Variants in EFEMP1 observed in about 807,000 individuals in gnomAD.
EFEMP1 encodes EGF-like fibulin extracellular matrix protein 1.
A neutral mutation model predicts 65.7 loss-of-function variants in EFEMP1; 18 were observed. That is an observed-to-expected ratio of 0.27 (90% CI 0.19 to 0.41). The LOEUF (loss-of-function observed/expected upper bound fraction) is 0.41, where lower values mean the gene tolerates loss of function less well. Among genes scored for constraint, EFEMP1 ranks in the 10% least tolerant of loss-of-function variants. The probability of loss-of-function intolerance (pLI) is 1.00; values close to 1 mark genes in which losing one functional copy is unlikely to be tolerated. For synonymous variants in EFEMP1, 237 were observed against 219.7 expected (o/e 1.08, Z -0.70); for missense variants, 469 against 624.8 (o/e 0.75, Z 2.66).
At position 55,899,729 on chromosome 2, in the gene EFEMP1, T is replaced by C. The variant is rs1271190926; in HGVS notation, c.517+17936A>G. ...ATGGTGACCACCTGGCCACACCATA[T>C]CCCTCTTCCCTTCTACCCAAGTAGT... On this transcript the variant is annotated intron_variant, in intron 5 of 11. Transcript: ENST00000355426. Among the ~76,000 whole-genome samples, 3 of 152,132 alleles carry C rather than the reference T, an allele frequency of 2.0e-5. No individual in the cohort carries two copies. In the East Asian group the frequency reaches 5.8e-4, roughly 29 times the overall value.
At chr2:55,889,529 C>G (rs538131997) in intron 5 of EFEMP1, among the ~76,000 whole-genome samples, 2 of 152,130 alleles carry the variant, frequency 1.3e-5, no homozygotes, top group South Asian at 4.2e-4. Context: ...TTTTTCTGTT[C>G]TCTTTTTGAT....
intron 5 of EFEMP1, among the ~76,000 whole-genome samples, chr2:55,911,431 G>A (rs971755042): frequency 4.0e-5 from 6 of 151,728 alleles, no homozygotes; most frequent in Non-Finnish European, 5.9e-5. Context: ...TTGAGTAGGC[G>A]TCCATATTAT....
At chr2:55,896,701 A>G (rs886330329) in intron 5 of EFEMP1, among the ~76,000 whole-genome samples, 1 of 152,254 alleles carries the variant, frequency 6.6e-6, no homozygotes, top group African/African-American at 2.4e-5. Context: ...GAACTCAGAA[A>G]TAAATTTTAA....
chr2:55,877,951 G>GA lies in EFEMP1; in HGVS notation c.641-87dup, dbSNP rs1669099540. 1.3e-5 allele frequency: 19 copies of GA among 1,509,778 alleles called. No individual in the cohort carries two copies. The highest frequency in any genetic ancestry group is 3.8e-5 in the Admixed American group (2 of 52,098). 93.5% of individuals were successfully genotyped at this position (1,509,778 alleles called of 1,614,324 possible). On this transcript the variant is annotated intron_variant, in intron 6 of 11. Transcript: ENST00000355426. This position sits in a 1 kb window ranked among gnomAD's most constrained non-coding sequence, Gnocchi z 4.5. Reference sequence around the variant, plus strand: ...GCATTATCTAGAAAACCTATGTAGAGAAAATCTCTTTTTAAAAGTAATAAT... The same window carrying GA: ...GCATTATCTAGAAAACCTATGTAGAGAAAAATCTCTTTTTAAAAGTAATAAT...
rs1336649293 is a variant in EFEMP1 at position 55,909,698 on chromosome 2, C to G, written c.517+7967G>C. ...TGAGAACACGTTTTCTTTTTCTGTC[C>G]AAATATGTATTTTAGTTAATTGTGG... On this transcript the variant is annotated intron_variant, in intron 5 of 11. Transcript: ENST00000355426. 2.0e-5 allele frequency among the ~76,000 whole-genome samples: 3 copies of G among 152,126 alleles called. No homozygotes were observed. In the South Asian group the frequency reaches 6.2e-4, roughly 32 times the overall value.
intron 5 of EFEMP1, among the ~76,000 whole-genome samples, chr2:55,896,201 C>T (rs1442446497): frequency 6.6e-6 from 1 of 152,188 alleles, no homozygotes; most frequent in Non-Finnish European, 1.5e-5. Context: ...TTTGACGCTT[C>T]CATAGTATTT....
In EFEMP1 at chr2:55,922,077, A is replaced by G. The variant is rs1016314614; in HGVS notation, c.81+283T>C. On this transcript the variant is annotated intron_variant, in intron 3 of 11. Transcript: ENST00000355426. The surrounding 1 kb of genome is among the most constrained non-coding windows in gnomAD (Gnocchi z 5.5). ...TTAATTTGTTGAATGTTTTGGAAAC[A>G]TGTAACTTTCTTTGGTTTTAGTTTT... is the stretch of plus-strand genomic sequence containing the variant. 3 of 401,628 alleles carry G rather than the reference A, an allele frequency of 7.5e-6. No individual in the cohort carries two copies. Among genetic ancestry groups the G allele is most frequent in the African/African-American group, 4.1e-5 (2 of 48,526 alleles). 24.9% of individuals were successfully genotyped at this position (401,628 alleles called of 1,614,324 possible).
chr2:55,898,195 A>G (rs1284170854), intron 5 of EFEMP1, among the ~76,000 whole-genome samples: 2 of 152,200 alleles, frequency 1.3e-5, no homozygotes, highest in East Asian at 1.9e-4. Flanking sequence ...TGGTTATTTC[A>G]TGAAGTGTGG....
Position 55,877,628 on chromosome 2 carries a change from C to T in EFEMP1, c.760+118G>A. 6.8e-7 allele frequency: 1 copy of T among 1,465,188 alleles called. No individual in the cohort carries two copies. Among genetic ancestry groups the T allele is most frequent in the Non-Finnish European group, 9.5e-7 (1 of 1,056,982 alleles). 90.8% of individuals were successfully genotyped at this position (1,465,188 alleles called of 1,614,324 possible). A position where few individuals can be genotyped will look rare whatever the true frequency, so the allele number is the denominator to read the frequency against. Reference sequence around the variant, plus strand: ...TATTATCTTTTAAGCTTTATGATTGCTGAAGGGAAGTCGATGGAAACTATT... The same window carrying T: ...TATTATCTTTTAAGCTTTATGATTGTTGAAGGGAAGTCGATGGAAACTATT... On this transcript the variant is annotated intron_variant, in intron 7 of 11. Transcript: ENST00000355426. This position sits in a 1 kb window ranked among gnomAD's most constrained non-coding sequence, Gnocchi z 4.5.
chr2:55,906,997 T>A (rs1394583982), intron 5 of EFEMP1, among the ~76,000 whole-genome samples: 1 of 152,234 alleles, frequency 6.6e-6, no homozygotes, highest in Non-Finnish European at 1.5e-5. Flanking sequence ...TTCTTTTTTG[T>A]CAACACTTTC....
chr2:55,922,625 C>A lies in EFEMP1; in HGVS notation c.-7-178G>T. The stretch of plus-strand genomic sequence containing the variant: ...CCTCCTGAACCTTCTCGGTAGCCAA[C>A]GAACGAGGCAGCAAAGACGTAAAAA... On this transcript the variant is annotated intron_variant, in intron 2 of 11. Transcript: ENST00000355426. The surrounding 1 kb of genome is among the most constrained non-coding windows in gnomAD (Gnocchi z 5.5). 7.7e-6 allele frequency: 5 copies of A among 651,636 alleles called. No homozygotes were observed. Among genetic ancestry groups the A allele is most frequent in the South Asian group, 1.7e-5 (1 of 60,416 alleles). The allele number at this position is 651,636 out of a possible 1,614,324, so 40.4% of individuals were successfully genotyped here. A position where few individuals can be genotyped will look rare whatever the true frequency, so the allele number is the denominator to read the frequency against.
chr2:55,876,765 T>C (rs751492340), intron 7 of EFEMP1, 23 bp from the exon 8 acceptor site: 5 of 1,377,812 alleles, frequency 3.6e-6, no homozygotes, highest in Non-Finnish European at 5.0e-6. Context: ...TTTATATATA[T>C]ATATATGTAT....
At chr2:55,893,741 C>A (rs1669716918) in intron 5 of EFEMP1, among the ~76,000 whole-genome samples, 1 of 152,302 alleles carries the variant, frequency 6.6e-6, no homozygotes, top group Admixed American at 6.5e-5. Flanking sequence ...TGGAAGGAAG[C>A]AAGAACACTG....
rs182324185 is a variant in EFEMP1 at position 55,904,020 on chromosome 2, G to A, written c.517+13645C>T. 1.2e-4 allele frequency among the ~76,000 whole-genome samples: 18 copies of A among 152,232 alleles called. No individual in the cohort carries two copies. In the East Asian group the frequency reaches 3.3e-3, roughly 28 times the overall value. ...CTTTCAGGGTAAGAAGCAGCGCCTG[G>A]AAGATAAAGGTATGGCTCAGTTGTT... On this transcript the variant is annotated intron_variant, in intron 5 of 11. Coordinates refer to ENST00000355426, the MANE Select transcript of EFEMP1 (RefSeq NM_001039348.3).
chr2:55,914,881 C>G (rs1008092317), intron 5 of EFEMP1, among the ~76,000 whole-genome samples: 1 of 152,162 alleles, frequency 6.6e-6, no homozygotes, highest in Non-Finnish European at 1.5e-5. Flanking sequence ...TTGTTCTAAA[C>G]AGAGGTCCCC....
Position 55,917,753 on chromosome 2 carries a change from T to C in EFEMP1, c.429A>G (p.Pro143=), listed in dbSNP as rs368195380. Residue 143 remains proline (P), a synonymous_variant, in exon 5 of 12, where the codon CCA becomes CCG. Transcript: ENST00000355426. This position sits in a 1 kb window ranked among gnomAD's most constrained non-coding sequence, Gnocchi z 6.3. ...TGGAGGGAATGCGCTGAGGGTCAGCTGGGTTCCGCCGGATGACAAAGTTAT... is the reference window on the plus strand; with the variant it reads ...TGGAGGGAATGCGCTGAGGGTCAGCCGGGTTCCGCCGGATGACAAAGTTAT... ...GRNNFVIRRN[P]ADPQRIPSNP... 6.2e-7 allele frequency: 1 copy of C among 1,614,092 alleles called. No homozygotes were observed. The highest frequency in any genetic ancestry group is 8.5e-7 in the Non-Finnish European group (1 of 1,180,046).
In EFEMP1 at chr2:55,886,617, C is replaced by T. The variant is rs183279004; in HGVS notation, c.518-4883G>A. Among the ~76,000 whole-genome samples, 1 of 152,260 alleles carries T rather than the reference C, an allele frequency of 6.6e-6. No homozygotes were observed. Among genetic ancestry groups the T allele is most frequent in the Non-Finnish European group, 1.5e-5 (1 of 68,000 alleles). ...CTTCTTTACCATTGGCCTCCTTCCTCCCAACATTCTTAATGATTTAGATAC... is the reference window on the plus strand; with the variant it reads ...CTTCTTTACCATTGGCCTCCTTCCTTCCAACATTCTTAATGATTTAGATAC... On this transcript the variant is annotated intron_variant, in intron 5 of 11. Transcript: ENST00000355426. The surrounding 1 kb of genome is among the most constrained non-coding windows in gnomAD (Gnocchi z 4.0).
chr2:55,885,902 C>A lies in EFEMP1; in HGVS notation c.518-4168G>T, dbSNP rs1295347444. On this transcript the variant is annotated intron_variant, in intron 5 of 11. Transcript: ENST00000355426. This position sits in a 1 kb window ranked among gnomAD's most constrained non-coding sequence, Gnocchi z 4.3. Reference sequence around the variant, plus strand: ...ATATTTCCCAAACCCCTGACTCATGCTGCTTTCTCTCTCTTATGCAACATT... The same window carrying A: ...ATATTTCCCAAACCCCTGACTCATGATGCTTTCTCTCTCTTATGCAACATT... Among the ~76,000 whole-genome samples, 1 of 152,166 alleles carries A rather than the reference C, an allele frequency of 6.6e-6. No individual in the cohort carries two copies. Among genetic ancestry groups the A allele is most frequent in the African/African-American group, 2.4e-5 (1 of 41,430 alleles).
At chr2:55,889,254 CTTG>C (rs999869891) in intron 5 of EFEMP1, among the ~76,000 whole-genome samples, 18 of 152,316 alleles carry the variant, frequency 1.2e-4, no homozygotes, top group African/African-American at 4.3e-4. Flanking sequence ...TTACATTATG[CTTG>C]TTGTTCATTC....
Sources: gnomAD v4.1 joint callset for allele counts (sites outside exome capture counted in the v4.1 genomes callset) on GRCh38, gnomAD v4.1.1 for gene constraint, Gnocchi (gnomAD v3.1) non-coding constraint, MANE v1.5 for transcripts, NCBI Gene and HGNC (gene_info 2026-07-23, HGNC 2026-07-21) for gene names.